Variants in LRP1B observed in about 807,000 individuals in gnomAD.
The protein encoded by LRP1B is low-density lipoprotein receptor-related protein 1B.
A neutral mutation model predicts 556.6 loss-of-function variants in LRP1B; 217 were observed. The observed-to-expected ratio is 0.39, with a 90% CI of 0.35 to 0.44. The LOEUF (loss-of-function observed/expected upper bound fraction) is 0.44. Among genes scored for constraint, LRP1B ranks in the 20% least tolerant of loss-of-function variants. LRP1B has a pLI of 1.00. For synonymous variants in LRP1B, 2,047 were observed against 1,865.8 expected, an observed-to-expected ratio of 1.10 and a Z score of -2.50; for missense variants, 5,053 against 5,620.8, an observed-to-expected ratio of 0.90 and a Z score of 3.23.
intron 71 of LRP1B, among the ~76,000 whole-genome samples, chr2:140,369,234 G>A (rs925272017): frequency 9.2e-5 from 14 of 151,734 alleles, no homozygotes; most frequent in African/African-American, 2.4e-4. Context: ...TGACATAATC[G>A]GAAGGACACT....
At chr2:141,943,231 C>A (rs1225610838) in intron 1 of LRP1B, among the ~76,000 whole-genome samples, 2 of 151,998 alleles carry the variant, frequency 1.3e-5, no homozygotes, top group African/African-American at 2.4e-5. Context: ...AGATATATAG[C>A]CTCTAATTAA....
chr2:141,146,896 C>T (rs1346953061), intron 7 of LRP1B, among the ~76,000 whole-genome samples: 1 of 152,158 alleles, frequency 6.6e-6, no homozygotes, highest in East Asian at 1.9e-4. Context: ...TTTCCAGCCT[C>T]TACTCCCACC....
At chr2:141,831,275 A>T (rs2105745876) in intron 1 of LRP1B, among the ~76,000 whole-genome samples, 1 of 151,914 alleles carries the variant, frequency 6.6e-6, no homozygotes, top group East Asian at 1.9e-4. Context: ...ACTTTAAAAT[A>T]AGATGACAAA....
At chr2:140,475,394 A>T in intron 59 of LRP1B, 57 bp from the exon 60 acceptor site, 1 of 1,323,858 alleles carries the variant, frequency 7.6e-7, no homozygotes, top group Non-Finnish European at 1.1e-6. Flanking sequence ...GCAAAACAAC[A>T]AACAATATAT....
chr2:140,280,080 G>A (rs1249146183), intron 84 of LRP1B, among the ~76,000 whole-genome samples: 1 of 151,676 alleles, frequency 6.6e-6, no homozygotes, highest in Non-Finnish European at 1.5e-5. Context: ...TGAATATGGA[G>A]AAGTAGGCAA....
At chr2:140,936,358 A>AG (rs1259464987) in intron 20 of LRP1B, among the ~76,000 whole-genome samples, 10,425 of 121,764 alleles carry the variant, frequency 0.086, 377 homozygotes, top group Middle Eastern at 0.13. Context: ...AAAAAAAAAA[A>AG]AAAAGAAAGG....
At chr2:140,242,963 G>C (rs1250759048) in intron 87 of LRP1B, among the ~76,000 whole-genome samples, 1 of 151,104 alleles carries the variant, frequency 6.6e-6, no homozygotes, top group Non-Finnish European at 1.5e-5. Context: ...AGAAGTTTAA[G>C]GATGGAACTT....
chr2:141,677,498 A>T (rs550375915), intron 2 of LRP1B, among the ~76,000 whole-genome samples: 107 of 151,170 alleles, frequency 7.1e-4, no homozygotes, highest in Admixed American at 4.6e-4. Context: ...GTATATATAT[A>T]TTTTTTTTTG....
chr2:140,506,700 A>T, intron 53 of LRP1B, 96 bp downstream of exon 53: 1 of 1,300,910 alleles, frequency 7.7e-7, no homozygotes, highest in Non-Finnish European at 1.1e-6. Flanking sequence ...GACACTAAGA[A>T]ATGTGTTGCT....
At chr2:141,296,558 T>A (rs1686189907) in intron 3 of LRP1B, among the ~76,000 whole-genome samples, 1 of 152,166 alleles carries the variant, frequency 6.6e-6, no homozygotes, top group Admixed American at 6.5e-5. Context: ...AGATGGAGAT[T>A]TTATTCTATT....
intron 32 of LRP1B, among the ~76,000 whole-genome samples, chr2:140,796,387 A>C (rs1440060956): frequency 6.6e-6 from 1 of 152,100 alleles, no homozygotes; most frequent in African/African-American, 2.4e-5. Context: ...TAAGAGGAGC[A>C]ATCTGTTGGA....
chr2:140,365,941 G>A (rs1398176024), intron 71 of LRP1B, among the ~76,000 whole-genome samples: 2 of 151,682 alleles, frequency 1.3e-5, no homozygotes, highest in African/African-American at 4.8e-5. Context: ...TACTTTGGAA[G>A]GAATAATGTG....
chr2:140,741,849 G>C (rs947571813), intron 35 of LRP1B, among the ~76,000 whole-genome samples: 32 of 152,224 alleles, frequency 2.1e-4, no homozygotes, highest in Non-Finnish European at 3.4e-4. Context: ...ATGTAAGTGA[G>C]AACATGCACT....
At chr2:141,863,909 C>G (rs1390197191) in intron 1 of LRP1B, among the ~76,000 whole-genome samples, 1 of 151,984 alleles carries the variant, frequency 6.6e-6, no homozygotes, top group Admixed American at 6.5e-5. Context: ...AAGACTATGG[C>G]TATCAAAATA....
rs74817738 is a variant in LRP1B at position 140,663,319 on chromosome 2, T to C, written c.6799+36931A>G. 1.9e-3 allele frequency among the ~76,000 whole-genome samples: 284 copies of C among 152,286 alleles called. 8 individuals are homozygous for C. The East Asian group carries it at 0.05, about 27-fold the overall frequency. ...TCATCGAGTATTCACCATAGTGGCA[T>C]ACAGAAAAACTACAATAGTCCAGTG... On this transcript the variant is annotated intron_variant, in intron 41 of 90. Coordinates refer to ENST00000389484, the MANE Select transcript of LRP1B (RefSeq NM_018557.3).
At chr2:141,208,657 G>A (rs1237617732) in intron 6 of LRP1B, among the ~76,000 whole-genome samples, 1 of 151,846 alleles carries the variant, frequency 6.6e-6, no homozygotes, top group African/African-American at 2.4e-5. Flanking sequence ...CACGAGGTCA[G>A]GAGATGGAGA....
intron 47 of LRP1B, among the ~76,000 whole-genome samples, chr2:140,531,135 TA>T (rs1690673740): frequency 6.6e-6 from 1 of 152,138 alleles, no homozygotes; most frequent in South Asian, 2.1e-4. Flanking sequence ...AGAAAACCCA[TA>T]GTAACATATC....
intron 17 of LRP1B, among the ~76,000 whole-genome samples, chr2:140,988,546 C>T (rs976271955): frequency 1.1e-4 from 17 of 151,862 alleles, no homozygotes; most frequent in African/African-American, 3.4e-4. Context: ...AGTTAATACT[C>T]TTACCGTGCT....
Position 140,299,543 on chromosome 2 carries a change from A to G in LRP1B, c.12806-1574T>C, listed in dbSNP as rs188431162. On this transcript the variant is annotated intron_variant, in intron 83 of 90. Transcript: ENST00000389484. ...ATTTTTTTGTTGCCAAAAAATGTTC[A>G]CTAACTTTTAGTAGATATTTTCCTT... Among the ~76,000 whole-genome samples, 13 of 152,226 alleles carry G rather than the reference A, an allele frequency of 8.5e-5. No individual in the cohort carries two copies. In the East Asian group the frequency reaches 1.9e-3, roughly 23 times the overall value.
Sources: gnomAD v4.1 joint callset for allele counts (sites outside exome capture counted in the v4.1 genomes callset) on GRCh38, gnomAD v4.1.1 for gene constraint, MANE v1.5 for transcripts, NCBI Gene and HGNC (gene_info 2026-07-23, HGNC 2026-07-21) for gene names.